Variants in RAB6A observed in about 807,000 individuals in gnomAD.
The protein encoded by RAB6A is ras-related protein Rab-6A.
RAB6A carries 8 observed loss-of-function variants against 32.3 expected under a neutral mutation model. The ratio of observed to expected loss-of-function variants is 0.25; its 90% CI spans 0.15 to 0.45. The LOEUF (loss-of-function observed/expected upper bound fraction) is 0.45. Among genes scored for constraint, RAB6A ranks in the 20% least tolerant of loss-of-function variants. The probability of loss-of-function intolerance (pLI) is 1.00; values close to 1 mark genes in which losing one functional copy is unlikely to be tolerated. For synonymous variants in RAB6A, 73 were observed against 82.1 expected (o/e 0.89, Z 0.60); for missense variants, 104 against 249.4 (o/e 0.42, Z 3.93).
At chr11:73,729,473 T>A (rs1303056138) in intron 2 of RAB6A, 5 of 152,218 alleles carry the variant, frequency 3.3e-5, no homozygotes, top group Admixed American at 2.6e-4. Context: ...CTTCTTTTTT[T>A]TCTTGGTCAG....
At chr11:73,700,615 G>GGGT (rs1945729486) in intron 6 of RAB6A, among the ~76,000 whole-genome samples, 1 of 128,028 alleles carries the variant, frequency 7.8e-6, no homozygotes, top group African/African-American at 2.8e-5. Flanking sequence ...TGTGTGGGGG[G>GGGT]GGGGGGGGGA....
intron 6 of RAB6A, 26 bp downstream of exon 6, chr11:73,707,394 A>T (rs1484230134): frequency 2.4e-5 from 37 of 1,516,950 alleles, no homozygotes; most frequent in Non-Finnish European, 3.4e-5. Flanking sequence ...ATATTTTTTC[A>T]ATTTGGTAAC....
chr11:73,679,633 C>T lies in RAB6A; in HGVS notation c.562+21G>A, dbSNP rs751469865. 11 of 1,613,422 alleles carry T rather than the reference C, an allele frequency of 6.8e-6. No homozygotes were observed. The Admixed American group carries it at 1.8e-4, about 27-fold the overall frequency. ...GACTAGTGTTAATAATGAAAAATTT[C>T]CAATGAAATAAAAAGGATACTATCT... On this transcript the variant is annotated intron_variant, in intron 7 of 7. Transcript: ENST00000336083.
intron 6 of RAB6A, among the ~76,000 whole-genome samples, chr11:73,693,239 G>A (rs1057486721): frequency 2.3e-4 from 35 of 152,024 alleles, no homozygotes; most frequent in East Asian, 1.9e-4. Context: ...AGTGAGCTGC[G>A]ATCACGCCAC....
intron 6 of RAB6A, among the ~76,000 whole-genome samples, chr11:73,701,957 G>C (rs1945752952): frequency 6.6e-6 from 1 of 152,126 alleles, no homozygotes; most frequent in Non-Finnish European, 1.5e-5. Context: ...ACGAGGGACA[G>C]TTCTTTACAT....
chr11:73,692,556 TA>T (rs1452740067), intron 6 of RAB6A, among the ~76,000 whole-genome samples: 3 of 145,694 alleles, frequency 2.1e-5, no homozygotes, highest in Admixed American at 1.4e-4. Flanking sequence ...TATTCAGTTC[TA>T]ATGGAAAAAG....
chr11:73,732,011 T>A (rs901928829), intron 1 of RAB6A, among the ~76,000 whole-genome samples: 2 of 151,440 alleles, frequency 1.3e-5, no homozygotes, highest in Non-Finnish European at 2.9e-5. Flanking sequence ...AGTGCTGAGA[T>A]TATAGGCGTG....
chr11:73,722,869 T>G (rs1284429218), intron 2 of RAB6A, among the ~76,000 whole-genome samples: 1 of 152,090 alleles, frequency 6.6e-6, no homozygotes, highest in Non-Finnish European at 1.5e-5. Context: ...TGCAGTGGCG[T>G]GATCTCGGCT....
At chr11:73,749,038 T>C (rs1946636151) in intron 1 of RAB6A, among the ~76,000 whole-genome samples, 1 of 151,562 alleles carries the variant, frequency 6.6e-6, no homozygotes, top group Non-Finnish European at 1.5e-5. Context: ...GGCACGAGAA[T>C]CTCTTGAACC....
At chr11:73,694,909 G>C (rs144862886) in intron 6 of RAB6A, among the ~76,000 whole-genome samples, 2 of 152,268 alleles carry the variant, frequency 1.3e-5, no homozygotes, top group African/African-American at 2.4e-5. Flanking sequence ...CCAGCTACTC[G>C]GCAGGCTGAG....
At chr11:73,729,100 GATTTT>G (rs541327172) in intron 2 of RAB6A, among the ~76,000 whole-genome samples, 2 of 151,794 alleles carry the variant, frequency 1.3e-5, no homozygotes, top group Non-Finnish European at 2.9e-5. Context: ...TAACCCTTTT[GATTTT>G]ATTTTATTTT....
Position 73,724,688 on chromosome 11 carries a change from G to A in RAB6A, c.130-3789C>T, listed in dbSNP as rs181442551. On this transcript the variant is annotated intron_variant, in intron 2 of 7. Transcript: ENST00000336083. ...TTTTTAGTAGAGACGGGGTTTCACC[G>A]TGTTAGCCAACATGGTGTCGATCTC... 1.3e-3 allele frequency among the ~76,000 whole-genome samples: 202 copies of A among 152,132 alleles called. 1 individual carries two copies. Among genetic ancestry groups the A allele is most frequent in the African/African-American group, 4.6e-3 (189 of 41,510 alleles).
rs1021300818 is a variant in RAB6A, at chr11:73,686,800, A to G, written c.496-7080T>C. ...TATATTCACATATCTACCTATTTTC[A>G]TTATATATATACATATACTGCTTCA... On this transcript the variant is annotated intron_variant, in intron 6 of 7. Coordinates refer to ENST00000336083, the MANE Select transcript of RAB6A (RefSeq NM_198896.2). 8.5e-5 allele frequency among the ~76,000 whole-genome samples: 13 copies of G among 152,280 alleles called. No individual in the cohort carries two copies. The East Asian group carries it at 2.5e-3, about 29-fold the overall frequency.
chr11:73,713,721 A>C (rs776393974), intron 5 of RAB6A, among the ~76,000 whole-genome samples: 29 of 152,172 alleles, frequency 1.9e-4, no homozygotes, highest in Non-Finnish European at 3.4e-4. Context: ...CCAAAATATA[A>C]AGATGCTTTA....
chr11:73,706,627 A>G (rs7119055), intron 6 of RAB6A, among the ~76,000 whole-genome samples: 73,318 of 151,876 alleles, frequency 0.48, 19,057 homozygotes, highest in East Asian at 0.6. Context: ...CCTATCTTGT[A>G]GAAAATGGCT....
At chr11:73,723,087 G>A (rs577786413) in intron 2 of RAB6A, among the ~76,000 whole-genome samples, 13 of 151,984 alleles carry the variant, frequency 8.6e-5, no homozygotes, top group African/African-American at 2.7e-4. Flanking sequence ...AGGATTATAG[G>A]CATGAGCCAA....
At chr11:73,689,943 A>G (rs1380655941) in intron 6 of RAB6A, among the ~76,000 whole-genome samples, 1 of 151,488 alleles carries the variant, frequency 6.6e-6, no homozygotes, top group Non-Finnish European at 1.5e-5. Context: ...GATCACTCAT[A>G]TTTGGCTCAA....
intron 6 of RAB6A, among the ~76,000 whole-genome samples, chr11:73,683,251 CTTTTTTT>C (rs34363473): frequency 1.1e-5 from 1 of 92,572 alleles, no homozygotes; most frequent in Admixed American, 1.3e-4. Context: ...ATAGACCCAT[CTTTTTTT>C]TTTTTTTTTT....
intron 6 of RAB6A, among the ~76,000 whole-genome samples, chr11:73,692,874 T>C (rs1945596450): frequency 6.7e-6 from 1 of 148,254 alleles, no homozygotes; most frequent in South Asian, 2.1e-4. Flanking sequence ...GGCAGGAGAA[T>C]GGCGTGAACC....
Sources: gnomAD v4.1 joint callset for allele counts (sites outside exome capture counted in the v4.1 genomes callset) on GRCh38, gnomAD v4.1.1 for gene constraint, MANE v1.5 for transcripts, NCBI Gene and HGNC (gene_info 2026-07-23, HGNC 2026-07-21) for gene names.